SFMBT2: variants seen among roughly 807,000 people sequenced by gnomAD.
SFMBT2 encodes the protein Scm like with four mbt domains 2.
Under a neutral mutation model 110.1 loss-of-function variants are expected in SFMBT2, and 38 were observed. The observed-to-expected ratio is 0.35, with a 90% CI of 0.27 to 0.45. SFMBT2 has a LOEUF of 0.45. Ranked by LOEUF, SFMBT2 falls within the 20% of genes least tolerant of loss-of-function variation. SFMBT2 has a pLI of 1.00. For synonymous variants in SFMBT2, 425 were observed against 425.4 expected, an observed-to-expected ratio of 1.00 and a Z score of 0.01; for missense variants, 1,011 against 1,094.9, an observed-to-expected ratio of 0.92 and a Z score of 1.08.
intron 4 of SFMBT2, among the ~76,000 whole-genome samples, chr10:7,337,058 T>A (rs1274992015): frequency 6.6e-6 from 1 of 152,228 alleles, no homozygotes. Flanking sequence ...TTCATTGATA[T>A]GATGCACCAT....
At chr10:7,295,718 G>A (rs1233381268) in intron 4 of SFMBT2, among the ~76,000 whole-genome samples, 1 of 152,144 alleles carries the variant, frequency 6.6e-6, no homozygotes, top group South Asian at 2.1e-4. Context: ...GTGTAACCTA[G>A]AAAGCCAGGT....
chr10:7,281,830 G>A (rs1212442061), intron 6 of SFMBT2, among the ~76,000 whole-genome samples: 1 of 152,058 alleles, frequency 6.6e-6, no homozygotes, highest in African/African-American at 2.4e-5. Context: ...GATGATGAAT[G>A]TCTTTTCCAG....
At chr10:7,309,141 C>T (rs1842778859) in intron 4 of SFMBT2, among the ~76,000 whole-genome samples, 1 of 152,196 alleles carries the variant, frequency 6.6e-6, no homozygotes, top group African/African-American at 2.4e-5. Context: ...GGACAGCCCT[C>T]CGTCATGTGG....
chr10:7,204,003 C>A (rs1051155397), intron 12 of SFMBT2: 1 of 239,146 alleles, frequency 4.2e-6, no homozygotes, highest in African/African-American at 2.3e-5. Flanking sequence ...AGACGTGAGC[C>A]ACCACGCCTG....
chr10:7,186,459 C>CATAT (rs1554782971), intron 16 of SFMBT2, among the ~76,000 whole-genome samples: 170 of 126,908 alleles, frequency 1.3e-3, no homozygotes, highest in African/African-American at 5.2e-3. Flanking sequence ...CACACACACA[C>CATAT]ATATATATAT....
chr10:7,341,958 G>A (rs1843919066), intron 4 of SFMBT2, among the ~76,000 whole-genome samples: 2 of 152,160 alleles, frequency 1.3e-5, no homozygotes, highest in African/African-American at 4.8e-5. Flanking sequence ...GTGCCAACCA[G>A]AGCAAATAGT....
At chr10:7,185,961 A>G (rs987667797) in intron 16 of SFMBT2, among the ~76,000 whole-genome samples, 1 of 152,160 alleles carries the variant, frequency 6.6e-6, no homozygotes, top group Non-Finnish European at 1.5e-5. Flanking sequence ...AATGAACTAC[A>G]TGAGAAGCCA....
chr10:7,255,918 C>A (rs1256681284), intron 7 of SFMBT2, among the ~76,000 whole-genome samples: 1 of 152,224 alleles, frequency 6.6e-6, no homozygotes, highest in Non-Finnish European at 1.5e-5. Flanking sequence ...TTTTCAGATG[C>A]TCAACAGACA....
At chr10:7,361,598 A>G (rs565339481) in intron 4 of SFMBT2, among the ~76,000 whole-genome samples, 3 of 152,264 alleles carry the variant, frequency 2.0e-5, no homozygotes, top group Admixed American at 6.5e-5. Flanking sequence ...AATGAGTTGT[A>G]TATTAACTAA....
intron 4 of SFMBT2, among the ~76,000 whole-genome samples, chr10:7,346,707 C>G (rs145992956): frequency 1.3e-5 from 2 of 151,686 alleles, no homozygotes; most frequent in Non-Finnish European, 2.9e-5. Context: ...AGGTGGTGCA[C>G]GCCTGTAATC....
chr10:7,190,689 T>C lies in SFMBT2; in HGVS notation c.1699-1956A>G, dbSNP rs1248524689. Among the ~76,000 whole-genome samples the C allele has an allele frequency of 2.6e-5, 4 of 152,220 alleles. No individual in the cohort carries two copies. In the East Asian group the frequency reaches 7.7e-4, roughly 29 times the overall value. ...GACTAGCCACAGTTAGACTGAATTA[T>C]TGTGCTTTGCAAAACACTGGAGTTC... On this transcript the variant is annotated intron_variant, in intron 15 of 20. Coordinates refer to ENST00000397167, the MANE Select transcript of SFMBT2 (RefSeq NM_001387889.1).
chr10:7,385,924 C>T (rs796329552), intron 1 of SFMBT2, among the ~76,000 whole-genome samples: 31 of 152,116 alleles, frequency 2.0e-4, no homozygotes, highest in African/African-American at 6.5e-4. Flanking sequence ...GGCGTGAACC[C>T]GGGAGGCAGA....
At chr10:7,339,227 G>A (rs773472027) in intron 4 of SFMBT2, among the ~76,000 whole-genome samples, 3 of 152,010 alleles carry the variant, frequency 2.0e-5, no homozygotes, top group Admixed American at 6.6e-5. Context: ...GCAACAAAGC[G>A]AGACTCCATC....
chr10:7,176,241 G>A (rs1321954925), intron 16 of SFMBT2, 76 bp from the exon 17 acceptor site: 31 of 1,429,618 alleles, frequency 2.2e-5, no homozygotes, highest in Admixed American at 9.7e-5. Flanking sequence ...CACACATTCC[G>A]AAGGCAGCAA....
intron 4 of SFMBT2, among the ~76,000 whole-genome samples, chr10:7,366,982 C>T (rs1213301906): frequency 6.6e-6 from 1 of 152,140 alleles, no homozygotes; most frequent in Non-Finnish European, 1.5e-5. Context: ...GGCTTTGTAG[C>T]AACTAAATTG....
At chr10:7,299,832 T>C (rs1031107628) in intron 4 of SFMBT2, among the ~76,000 whole-genome samples, 7 of 152,078 alleles carry the variant, frequency 4.6e-5, no homozygotes, top group African/African-American at 1.7e-4. Flanking sequence ...TCATTCTACT[T>C]TAAAGACACA....
chr10:7,284,658 C>T (rs1274384354), intron 5 of SFMBT2: 5 of 249,714 alleles, frequency 2.0e-5, no homozygotes, highest in African/African-American at 2.3e-5. Context: ...GATTATGTGA[C>T]GAAGGCATGA....
intron 9 of SFMBT2, among the ~76,000 whole-genome samples, chr10:7,235,067 G>A (rs916528328): frequency 2.0e-5 from 3 of 152,312 alleles, no homozygotes; most frequent in Middle Eastern, 3.4e-3. Flanking sequence ...TGGCACACAC[G>A]GATGTGGGGT....
intron 4 of SFMBT2, among the ~76,000 whole-genome samples, chr10:7,358,640 A>G (rs35023557): frequency 0.014 from 2,041 of 150,224 alleles, 14 homozygotes; most frequent in Middle Eastern, 0.028. Flanking sequence ...GAACATCAGC[A>G]TGGCCCTGGG....
Sources: gnomAD v4.1 joint callset for allele counts (sites outside exome capture counted in the v4.1 genomes callset) on GRCh38, gnomAD v4.1.1 for gene constraint, MANE v1.5 for transcripts, NCBI Gene and HGNC (gene_info 2026-07-23, HGNC 2026-07-21) for gene names.